SORL1: variants seen among roughly 807,000 people sequenced by gnomAD.
SORL1 encodes sortilin-related receptor.
A neutral mutation model predicts 273.7 loss-of-function variants in SORL1; 127 were observed. The observed-to-expected ratio is 0.46, with a 90% CI of 0.40 to 0.54. The LOEUF (loss-of-function observed/expected upper bound fraction) is 0.54. Ranked by LOEUF, SORL1 falls within the 20% of genes least tolerant of loss-of-function variation. The pLI is 0.00. For missense variants in SORL1, 2,494 were observed against 2,846.1 expected (o/e 0.88, Z 2.81); for synonymous variants, 1,031 against 1,067.4 (o/e 0.97, Z 0.66).
intron 12 of SORL1, among the ~76,000 whole-genome samples, chr11:121,536,806 G>A (rs1057008066): frequency 1.6e-4 from 25 of 152,074 alleles, no homozygotes; most frequent in Non-Finnish European, 3.7e-4. Context: ...CCCTTTCTGT[G>A]TGCTAGGAAA....
At chr11:121,476,897 T>C (rs767337018) in intron 2 of SORL1, among the ~76,000 whole-genome samples, 1 of 151,612 alleles carries the variant, frequency 6.6e-6, no homozygotes, top group African/African-American at 2.4e-5. Context: ...GCTTAAGTGA[T>C]CTTCACACCT....
rs540502304 is a variant in SORL1, at chr11:121,586,518, G to A, written c.3814+189G>A. 2.0e-5 allele frequency among the ~76,000 whole-genome samples: 3 copies of A among 152,298 alleles called. No homozygotes were observed. The South Asian group carries it at 6.2e-4, about 32-fold the overall frequency. On this transcript the variant is annotated intron_variant, in intron 27 of 47. Transcript: ENST00000260197. Reference sequence around the variant, plus strand: ...GCAGAGAGACAGGGTTTGGTTAAAGGAGAGCAGGAAGGAAGAAAGCAGGGT... The same window carrying A: ...GCAGAGAGACAGGGTTTGGTTAAAGAAGAGCAGGAAGGAAGAAAGCAGGGT...
Position 121,567,041 on chromosome 11 carries a change from C to T in SORL1, c.3151C>T (p.Leu1051Phe). ...TCCAGAGGATGTGTCCAGCAGTGTG[C>T]TTCCATCAGGGGACCTGATGTGTGA... The part of the protein sequence containing the change: ...RCPEDVSSSV[L>F]PSGDLMCDCP... Residue 1051 changes from leucine (L) to phenylalanine (F), a missense_variant, in exon 22 of 48, where the codon CTT becomes TTT. Coordinates refer to ENST00000260197, the MANE Select transcript of SORL1 (RefSeq NM_003105.6). 6.2e-7 allele frequency: 1 copy of T among 1,614,218 alleles called. No homozygotes were observed. The highest frequency in any genetic ancestry group is 8.5e-7 in the Non-Finnish European group (1 of 1,180,018).
At chr11:121,476,702 C>G (rs765230202) in intron 2 of SORL1, among the ~76,000 whole-genome samples, 1 of 147,318 alleles carries the variant, frequency 6.8e-6, no homozygotes, top group Non-Finnish European at 1.5e-5. Context: ...TTCCCTCCCT[C>G]CCTTCCTCCC....
intron 12 of SORL1, among the ~76,000 whole-genome samples, chr11:121,537,104 G>GCCAAAGCAAGGGCCAAAGCCAAA: frequency 6.6e-6 from 1 of 152,162 alleles, no homozygotes; most frequent in South Asian, 2.1e-4. Context: ...CATGATCAGT[G>GCCAAAGCAAGGGCCAAAGCCAAA]GGGAATGTGC....
Position 121,550,119 on chromosome 11 carries a change from T to A in SORL1, c.2180+31T>A. ...TATCACAGAGGTTGCCCTGTCAGGT[T>A]CTCAGCGGTCCGCACATGGAGCGAG... On this transcript the variant is annotated intron_variant, in intron 15 of 47. Coordinates refer to ENST00000260197, the MANE Select transcript of SORL1 (RefSeq NM_003105.6). The surrounding 1 kb of genome is among the most constrained non-coding windows in gnomAD (Gnocchi z 5.3). The A allele has an allele frequency of 6.2e-7, 1 of 1,604,792 alleles. No homozygotes were observed. Among genetic ancestry groups the A allele is most frequent in the Non-Finnish European group, 8.5e-7 (1 of 1,175,078 alleles).
intron 1 of SORL1, among the ~76,000 whole-genome samples, chr11:121,457,707 C>G (rs182771123): frequency 1.4e-3 from 214 of 152,316 alleles, no homozygotes; most frequent in African/African-American, 4.8e-3. Flanking sequence ...CCTGATGTAG[C>G]CCCCTTGTAA....
intron 16 of SORL1, among the ~76,000 whole-genome samples, chr11:121,551,007 G>A (rs113834150): frequency 6.6e-6 from 1 of 152,178 alleles, no homozygotes. Context: ...TCAAAGTTGA[G>A]TATAAAGAGG....
At chr11:121,566,264 TA>T (rs1027462376) in intron 21 of SORL1, among the ~76,000 whole-genome samples, 51 of 150,854 alleles carry the variant, frequency 3.4e-4, no homozygotes, top group African/African-American at 1.2e-3. Flanking sequence ...TCTTTCTTTT[TA>T]AAAAAAAAAT....
intron 8 of SORL1, among the ~76,000 whole-genome samples, chr11:121,519,946 T>A (rs1454914582): frequency 1.3e-5 from 2 of 152,146 alleles, no homozygotes; most frequent in Non-Finnish European, 2.9e-5. Context: ...AAGAAACAAA[T>A]TTTTTAAAAT....
intron 12 of SORL1, among the ~76,000 whole-genome samples, chr11:121,541,933 C>T (rs1862355108): frequency 6.6e-6 from 1 of 152,136 alleles, no homozygotes; most frequent in Non-Finnish European, 1.5e-5. Flanking sequence ...ATATACTTTC[C>T]TTCAACTTTT....
At chr11:121,592,272 A>G (rs374132800) in intron 31 of SORL1, among the ~76,000 whole-genome samples, 1 of 152,226 alleles carries the variant, frequency 6.6e-6, no homozygotes, top group African/African-American at 2.4e-5. Context: ...TTTTATAGCA[A>G]AAGAGACCTT....
In SORL1 at chr11:121,589,279, A is replaced by G. The variant is rs976023005; in HGVS notation, c.3967A>G (p.Lys1323Glu). 8.1e-6 allele frequency: 13 copies of G among 1,613,406 alleles called. No homozygotes were observed. The highest frequency in any genetic ancestry group is 3.3e-5 in the South Asian group (3 of 91,080). The change falls in exon 29 of 48, where the codon AAG (lysine) becomes GAG (glutamate). Residue 1323 changes from lysine to glutamate, a missense_variant. Lys to Glu is a moderately conservative substitution (Grantham distance 56). This residue lies in a region of SORL1 where 1,609 missense variants were observed against 1,816.4 expected (regional missense o/e 0.89). Coordinates refer to ENST00000260197, the MANE Select transcript of SORL1 (RefSeq NM_003105.6). The stretch of plus-strand genomic sequence containing the variant: ...TGTAGCCCAAGATCCTGAGTTCCAC[A>G]AGGTATGTGATGAGTTCGGTTTCCA... Reference protein sequence around the residue: ...AGCSQDPEFHKVCDEFGFQCQ... With the variant: ...AGCSQDPEFHEVCDEFGFQCQ...
chr11:121,585,951 TACAA>T (rs1002075694), intron 26 of SORL1, among the ~76,000 whole-genome samples: 12 of 152,244 alleles, frequency 7.9e-5, no homozygotes, highest in African/African-American at 2.4e-4. Flanking sequence ...TTCAACCTGT[TACAA>T]ACAGTGTTGT....
chr11:121,543,478 G>A, intron 12 of SORL1, 70 bp from the exon 13 acceptor site: 1 of 1,321,872 alleles, frequency 7.6e-7, no homozygotes, highest in Non-Finnish European at 1.1e-6. Flanking sequence ...CCTGGTGAAT[G>A]TTATATGGAA....
intron 24 of SORL1, chr11:121,576,632 A>C: frequency 1.6e-6 from 1 of 635,850 alleles, no homozygotes; most frequent in Non-Finnish European, 2.6e-6. Flanking sequence ...TGATCTCCCC[A>C]GGAGCTTTGA....
rs752596282 is a variant in SORL1 at position 121,452,614 on chromosome 11, C to T, written c.283C>T (p.Gln95Ter). 6.7e-7 allele frequency: 1 copy of T among 1,482,752 alleles called. No homozygotes were observed. Among genetic ancestry groups the T allele is most frequent in the East Asian group, 2.7e-5 (1 of 36,626 alleles). 91.8% of individuals were successfully genotyped at this position (1,482,752 alleles called of 1,614,324 possible). ...LQPEPIKVYG[Q>*]VSLNDSHNQM... ...GCCCGAGCCCATCAAGGTGTACGGA[C>T]AGGTGAGCAGTTTTGCAACCCGCCT... Residue 95 changes from glutamine (Q) to a stop codon, truncating the protein, a stop_gained and splice_region_variant, in exon 1 of 48, where the codon CAG becomes TAG. Transcript: ENST00000260197. LOFTEE classifies it high-confidence loss of function. This position sits in a 1 kb window ranked among gnomAD's most constrained non-coding sequence, Gnocchi z 5.3.
In SORL1 at chr11:121,545,282, C is replaced by T. The variant is rs1191502917; in HGVS notation, c.1904C>T (p.Pro635Leu). 1 of 1,613,970 alleles carries T rather than the reference C, an allele frequency of 6.2e-7. No homozygotes were observed. The highest frequency in any genetic ancestry group is 1.3e-5 in the African/African-American group (1 of 74,908). ...GAGAATGACTACAAGCTGTGGTCAC[C>T]ATCTGATGAGCGGGGGAATGAGTGT... ...CTENDYKLWSPSDERGNECLL... is the reference protein window; with the variant it reads ...CTENDYKLWSLSDERGNECLL... The change falls in exon 14 of 48, where the codon CCA (proline) becomes CTA (leucine). Residue 635 changes from proline to leucine, a missense_variant. Pro to Leu is a moderately conservative substitution (Grantham distance 98). This residue lies in a region of SORL1 where 710 missense variants were observed against 882.5 expected (regional missense o/e 0.80). Transcript: ENST00000260197.
chr11:121,548,826 C>T (rs1862468824), intron 14 of SORL1, among the ~76,000 whole-genome samples: 1 of 152,082 alleles, frequency 6.6e-6, no homozygotes. Context: ...CTCAGCCTCC[C>T]AAAATGCTGG....
Sources: gnomAD v4.1 joint callset for allele counts (sites outside exome capture counted in the v4.1 genomes callset) on GRCh38, gnomAD v4.1.1 for gene constraint, gnomAD v4.1.1 regional missense constraint, Gnocchi (gnomAD v3.1) non-coding constraint, MANE v1.5 for transcripts, NCBI Gene and HGNC (gene_info 2026-07-23, HGNC 2026-07-21) for gene names.